ZBTB16: variants seen among roughly 807,000 people sequenced by gnomAD.
ZBTB16 encodes zinc finger and BTB domain-containing protein 16.
Under a neutral mutation model 56.8 loss-of-function variants are expected in ZBTB16, and 8 were observed. That is an observed-to-expected ratio of 0.14 (90% confidence interval 0.08 to 0.25). ZBTB16 has a LOEUF of 0.25. Ranked by LOEUF, ZBTB16 falls within the 10% of genes least tolerant of loss-of-function variation. The pLI is 1.00. For synonymous variants in ZBTB16, 363 were observed against 368.5 expected (o/e 0.98, Z 0.17); for missense variants, 625 against 903.0 (o/e 0.69, Z 3.95).
chr11:114,076,210 C>T (rs926960978), intron 2 of ZBTB16, among the ~76,000 whole-genome samples: 2 of 152,128 alleles, frequency 1.3e-5, no homozygotes, highest in African/African-American at 4.8e-5. Context: ...GTCCATCTGT[C>T]TCTGGCATTT....
chr11:114,167,216 GTTTTTTTTTTTTTTGGTT>G (rs1942783688), intron 3 of ZBTB16, among the ~76,000 whole-genome samples: 2 of 79,938 alleles, frequency 2.5e-5, no homozygotes, highest in Admixed American at 1.5e-4. Flanking sequence ...TGGATTTGTG[GTTTTTTTTTTTTTTGGTT>G]TTTTTTTTTT....
intron 2 of ZBTB16, among the ~76,000 whole-genome samples, chr11:114,114,879 C>T (rs1046839248): frequency 4.0e-5 from 6 of 151,882 alleles, no homozygotes; most frequent in Non-Finnish European, 7.4e-5. Context: ...GACAGGGTTT[C>T]GCCATGTTGC....
chr11:114,197,967 A>G (rs997685287), intron 4 of ZBTB16, among the ~76,000 whole-genome samples: 1 of 151,796 alleles, frequency 6.6e-6, no homozygotes, highest in African/African-American at 2.4e-5. Flanking sequence ...CTGGTCCCAG[A>G]GGAGCTGGGA....
At chr11:114,093,260 C>G (rs988055150) in intron 2 of ZBTB16, among the ~76,000 whole-genome samples, 2 of 151,888 alleles carry the variant, frequency 1.3e-5, no homozygotes, top group African/African-American at 4.8e-5. Flanking sequence ...TAGGCCTATC[C>G]CAGAGAGGCT....
chr11:114,245,531 G>A (rs1374512897), intron 5 of ZBTB16, among the ~76,000 whole-genome samples: 1 of 152,154 alleles, frequency 6.6e-6, no homozygotes, highest in Non-Finnish European at 1.5e-5. Context: ...ATTTATGTGG[G>A]TACAGGGGCC....
At chr11:114,235,744 C>T (rs1591805519) in intron 4 of ZBTB16, among the ~76,000 whole-genome samples, 2 of 135,998 alleles carry the variant, frequency 1.5e-5, no homozygotes, top group Non-Finnish European at 3.1e-5. Context: ...CTTTTCTTTT[C>T]TTTCCTTCCT....
rs549854900 is a variant in ZBTB16, at chr11:114,129,340, C to T, written c.1269-26997C>T. ...TGATCCGTGGCGCAGCCACCGGAGC[C>T]GGCAGAGAACCCTTGGAGTAGGATG... On this transcript the variant is annotated intron_variant, in intron 2 of 6. Coordinates refer to ENST00000335953, the MANE Select transcript of ZBTB16 (RefSeq NM_006006.6). Among the ~76,000 whole-genome samples, 52 of 152,210 alleles carry T rather than the reference C, an allele frequency of 3.4e-4. 1 individual carries two copies. Among genetic ancestry groups the T allele is most frequent in the Admixed American group, 1.3e-4 (2 of 15,290 alleles).
rs116464830 is a variant in ZBTB16 at position 114,242,463 on chromosome 11, C to T, written c.1624+126C>T. The T allele has an allele frequency of 7.6e-4, 1,032 of 1,354,490 alleles. 3 individuals carry two copies. The African/African-American group carries it at 9.3e-3, about 12-fold the overall frequency. 83.9% of individuals were successfully genotyped at this position (1,354,490 alleles called of 1,614,324 possible). A position where few individuals can be genotyped will look rare whatever the true frequency, so the allele number is the denominator to read the frequency against. On this transcript the variant is annotated intron_variant, in intron 5 of 6. Transcript: ENST00000335953. Reference sequence around the variant, plus strand: ...TCAGTCCTTCTGCTCAAGGCTTGGACGTGCAGAGGCTGCCCGTCGTGCAGG... The same window carrying T: ...TCAGTCCTTCTGCTCAAGGCTTGGATGTGCAGAGGCTGCCCGTCGTGCAGG...
chr11:114,063,293 G>A lies in ZBTB16; in HGVS notation c.-8G>A. ...AGAAAGCCTCATGCCTGAGCCGAGG[G>A]GAGCACCATGGATCTGACAAAAATG... On this transcript the variant is annotated 5_prime_UTR_variant, in exon 2 of 7. Coordinates refer to ENST00000335953, the MANE Select transcript of ZBTB16 (RefSeq NM_006006.6). This position sits in a 1 kb window ranked among gnomAD's most constrained non-coding sequence, Gnocchi z 6.5. The A allele has an allele frequency of 1.2e-6, 2 of 1,613,482 alleles. No homozygotes were observed. Among genetic ancestry groups the A allele is most frequent in the Non-Finnish European group, 1.7e-6 (2 of 1,179,940 alleles).
intron 2 of ZBTB16, among the ~76,000 whole-genome samples, chr11:114,078,517 G>C (rs983200548): frequency 1.3e-5 from 2 of 152,202 alleles, no homozygotes; most frequent in African/African-American, 2.4e-5. Context: ...GTTTAGACTG[G>C]CTGCTAAAGC....
intron 4 of ZBTB16, among the ~76,000 whole-genome samples, chr11:114,233,101 A>G (rs1944487488): frequency 9.7e-5 from 4 of 41,278 alleles, no homozygotes; most frequent in South Asian, 1.1e-3. Flanking sequence ...ACACACACAC[A>G]CACACACACA....
At chr11:114,084,744 T>C (rs929989310) in intron 2 of ZBTB16, among the ~76,000 whole-genome samples, 2 of 152,210 alleles carry the variant, frequency 1.3e-5, no homozygotes, top group South Asian at 4.1e-4. Flanking sequence ...GAGGAGGCCT[T>C]ATTGCTCAGG....
chr11:114,249,531 C>T lies in ZBTB16; in HGVS notation c.1793-795C>T, dbSNP rs867290375. Among the ~76,000 whole-genome samples the T allele has an allele frequency of 7.3e-4, 103 of 141,222 alleles. No homozygotes were observed. In the East Asian group the frequency reaches 0.016, roughly 22 times the overall value. 92.6% of individuals were successfully genotyped at this position (141,222 alleles called of 152,430 possible). On this transcript the variant is annotated intron_variant, in intron 6 of 6. Transcript: ENST00000335953. ...CTGTAATCCCAGCACTTTGGGAGGC[C>T]GAGGCGGGTGGATCTTGAGGTCAGG...
intron 2 of ZBTB16, among the ~76,000 whole-genome samples, chr11:114,140,571 G>A (rs907721424): frequency 1.3e-5 from 2 of 152,168 alleles, no homozygotes; most frequent in African/African-American, 2.4e-5. Flanking sequence ...GTAGCTCCTC[G>A]GCTGCCCATT....
intron 2 of ZBTB16, among the ~76,000 whole-genome samples, chr11:114,078,004 G>T (rs1047794847): frequency 6.6e-6 from 1 of 152,174 alleles, no homozygotes; most frequent in Non-Finnish European, 1.5e-5. Context: ...AAACTGTTGG[G>T]GTCAGGGTGA....
At chr11:114,235,626 C>CG (rs1944550959) in intron 4 of ZBTB16, among the ~76,000 whole-genome samples, 1 of 72,330 alleles carries the variant, frequency 1.4e-5, no homozygotes, top group Non-Finnish European at 2.8e-5. Context: ...TTCCCTCTCC[C>CG]TTCCTTTCTT....
At chr11:114,150,934 C>T (rs1477818258) in intron 2 of ZBTB16, among the ~76,000 whole-genome samples, 3 of 152,222 alleles carry the variant, frequency 2.0e-5, no homozygotes, top group African/African-American at 7.2e-5. Context: ...CCAGGTCCTG[C>T]TCGACAGGAC....
At chr11:114,108,313 A>G (rs903150221) in intron 2 of ZBTB16, among the ~76,000 whole-genome samples, 2 of 152,120 alleles carry the variant, frequency 1.3e-5, no homozygotes, top group Non-Finnish European at 2.9e-5. Flanking sequence ...AACACCTATC[A>G]TCTCCAGCAT....
intron 3 of ZBTB16, among the ~76,000 whole-genome samples, chr11:114,171,267 A>G (rs1942959662): frequency 6.6e-6 from 1 of 152,236 alleles, no homozygotes; most frequent in Non-Finnish European, 1.5e-5. Flanking sequence ...GGACCAGCGT[A>G]TGTAGGACTG....
Sources: allele counts gnomAD v4.1 joint callset (sites outside exome capture counted in the v4.1 genomes callset), GRCh38; gene constraint gnomAD v4.1.1; non-coding constraint Gnocchi (gnomAD v3.1); transcripts MANE v1.5; gene names NCBI Gene and HGNC (gene_info 2026-07-23, HGNC 2026-07-21).